NDNF: variants seen among roughly 807,000 people sequenced by gnomAD.
NDNF encodes protein NDNF.
Under a neutral mutation model 42.0 loss-of-function variants are expected in NDNF, and 16 were observed. That is an observed-to-expected ratio of 0.38 (90% CI 0.26 to 0.58). The LOEUF (loss-of-function observed/expected upper bound fraction) is 0.58, where lower values mean the gene tolerates loss of function less well. Ranked by LOEUF, NDNF falls within the 20% of genes least tolerant of loss-of-function variation. NDNF has a pLI of 0.67. For synonymous variants in NDNF, 248 were observed against 251.7 expected (o/e 0.99, Z 0.14); for missense variants, 616 against 666.2 (o/e 0.92, Z 0.83).
intron 2 of NDNF, among the ~76,000 whole-genome samples, chr4:121,045,128 G>A (rs1218610348): frequency 2.0e-5 from 3 of 152,190 alleles, no homozygotes; most frequent in Non-Finnish European, 2.9e-5. Flanking sequence ...CAAAGAGGGC[G>A]GATCACGAGG....
Position 121,037,472 on chromosome 4 carries a change from G to A in NDNF, c.499C>T (p.Pro167Ser). Residue 167 changes from proline to serine, a missense_variant, in exon 4 of 4, where the codon CCA (proline) becomes TCA (serine). By Grantham distance (74) the Pro-to-Ser change is moderately conservative (BLOSUM62 -1). Transcript: ENST00000379692. The stretch of plus-strand genomic sequence containing the variant: ...TCAGGGTATGGCTGATCAGATTCTG[G>A]AGTTGTGGTGGCATATACTTTGAAA... Reference protein sequence around the residue: ...THFKVYATTTPESDQPYPELP... With the variant: ...THFKVYATTTSESDQPYPELP... 1 of 1,614,142 alleles carries A rather than the reference G, an allele frequency of 6.2e-7. No homozygotes were observed. Among genetic ancestry groups the A allele is most frequent in the Non-Finnish European group, 8.5e-7 (1 of 1,180,026 alleles).
intron 1 of NDNF, among the ~76,000 whole-genome samples, chr4:121,054,031 T>C (rs1168203758): frequency 6.6e-6 from 1 of 152,198 alleles, no homozygotes; most frequent in African/African-American, 2.4e-5. Context: ...AAAAAAATAT[T>C]GAGTCACTGC....
At position 121,037,037 on chromosome 4, in the gene NDNF, A is replaced by G. The variant is rs149509624; in HGVS notation, c.934T>C (p.Phe312Leu). Reference sequence around the variant, plus strand: ...TTGATGTTGACCACAAATACATCAAAGTAGTACTGCGTGTCGGGTTTCAGA... The same window carrying G: ...TTGATGTTGACCACAAATACATCAAGGTAGTACTGCGTGTCGGGTTTCAGA... ...SDLKPDTQYY[F>L]DVFVVNINSN... The change falls in exon 4 of 4, where the codon TTT becomes CTT. Residue 312 changes from phenylalanine to leucine, a missense_variant. Physicochemically the swap from Phe to Leu is conservative, Grantham distance 22 (BLOSUM62 0). Transcript: ENST00000379692. 2 of 1,613,890 alleles carry G rather than the reference A, an allele frequency of 1.2e-6. No homozygotes were observed. The highest frequency in any genetic ancestry group is 2.7e-5 in the African/African-American group (2 of 74,916).
intron 2 of NDNF, among the ~76,000 whole-genome samples, chr4:121,041,073 C>G (rs7690446): frequency 0.82 from 124,918 of 152,216 alleles, 52,000 homozygotes; most frequent in East Asian, 0.97. Context: ...AATTAAATAA[C>G]TTAATGATTT....
intron 1 of NDNF, 80 bp from the exon 2 acceptor site, chr4:121,045,918 A>G (rs914992574): frequency 1.7e-5 from 23 of 1,347,838 alleles, no homozygotes; most frequent in Non-Finnish European, 2.2e-5. Context: ...AAGGGTTAAC[A>G]CTATTTTAGC....
chr4:121,046,834 G>A (rs137999156), intron 1 of NDNF, among the ~76,000 whole-genome samples: 31 of 152,292 alleles, frequency 2.0e-4, no homozygotes, highest in Admixed American at 8.5e-4. Flanking sequence ...TTCCCAACAG[G>A]AAGCCCCAGG....
At chr4:121,037,769 C>A in intron 3 of NDNF, 112 bp from the exon 4 acceptor site, 1 of 667,194 alleles carries the variant, frequency 1.5e-6, no homozygotes, top group South Asian at 2.5e-5. Flanking sequence ...AGTACATGTT[C>A]ATAAGTAAAA....
intron 2 of NDNF, among the ~76,000 whole-genome samples, chr4:121,044,540 A>G (rs1727056078): frequency 6.6e-6 from 1 of 151,198 alleles, no homozygotes; most frequent in Non-Finnish European, 1.5e-5. Flanking sequence ...AGGTCAAAAT[A>G]TTTAGAAACT....
chr4:121,050,017 TCAG>T, intron 1 of NDNF, among the ~76,000 whole-genome samples: 1 of 152,152 alleles, frequency 6.6e-6, no homozygotes, highest in Admixed American at 6.5e-5. Flanking sequence ...TTCAATTTGG[TCAG>T]GTTACAGGCA....
At position 121,059,518 on chromosome 4, in the gene NDNF, C is replaced by T. The variant is rs144543821; in HGVS notation, c.-2+12475G>A. On this transcript the variant is annotated intron_variant, in intron 1 of 3. Transcript: ENST00000379692. ...CTCTAATCTGATGAAGGGGACATCA[C>T]GGATATCCACTGGCATGGCTGCCAT... 7.0e-4 allele frequency among the ~76,000 whole-genome samples: 106 copies of T among 152,310 alleles called. 1 individual carries two copies. Among genetic ancestry groups the T allele is most frequent in the African/African-American group, 2.2e-3 (90 of 41,576 alleles).
chr4:121,065,262 T>C (rs988936363), intron 1 of NDNF, among the ~76,000 whole-genome samples: 1 of 151,988 alleles, frequency 6.6e-6, no homozygotes, highest in Non-Finnish European at 1.5e-5. Flanking sequence ...TCTTTACAGA[T>C]AAAAGTGACT....
chr4:121,038,508 A>AC (rs1443929816), intron 3 of NDNF, among the ~76,000 whole-genome samples: 1 of 152,208 alleles, frequency 6.6e-6, no homozygotes, highest in Non-Finnish European at 1.5e-5. Context: ...ATATTTTGTT[A>AC]CCGTAAGTAT....
At chr4:121,060,747 T>A (rs1430239729) in intron 1 of NDNF, among the ~76,000 whole-genome samples, 1 of 152,178 alleles carries the variant, frequency 6.6e-6, no homozygotes, top group African/African-American at 2.4e-5. Flanking sequence ...GTGGGCCTAA[T>A]CCCACATTTA....
intron 1 of NDNF, among the ~76,000 whole-genome samples, chr4:121,060,108 CCTTT>C (rs1240057800): frequency 2.0e-5 from 3 of 152,104 alleles, no homozygotes; most frequent in Non-Finnish European, 4.4e-5. Flanking sequence ...TTGCCCATAT[CCTTT>C]CTTTTTCTAA....
At chr4:121,066,723 T>G (rs887298556) in intron 1 of NDNF, among the ~76,000 whole-genome samples, 2 of 152,230 alleles carry the variant, frequency 1.3e-5, no homozygotes, top group Non-Finnish European at 2.9e-5. Context: ...ATGTTAAATT[T>G]CAGGCTCATA....
At chr4:121,042,737 T>C (rs1164357512) in intron 2 of NDNF, among the ~76,000 whole-genome samples, 1 of 152,046 alleles carries the variant, frequency 6.6e-6, no homozygotes, top group African/African-American at 2.4e-5. Flanking sequence ...AGTAAAAGAG[T>C]GTTCAAAACT....
intron 1 of NDNF, among the ~76,000 whole-genome samples, chr4:121,070,385 C>T (rs181170452): frequency 4.7e-4 from 72 of 152,310 alleles, no homozygotes; most frequent in African/African-American, 1.6e-3. Context: ...CTCTACTTCT[C>T]CGAACCCAGG....
chr4:121,037,696 A>G (rs1726904078), intron 3 of NDNF, 39 bp from the exon 4 acceptor site: 1 of 1,484,488 alleles, frequency 6.7e-7, no homozygotes, highest in Non-Finnish European at 9.0e-7. Context: ...CTGTCAGGGC[A>G]TACACTGTGG....
intron 1 of NDNF, among the ~76,000 whole-genome samples, chr4:121,055,448 C>T (rs977327997): frequency 6.6e-5 from 10 of 151,946 alleles, no homozygotes; most frequent in Non-Finnish European, 1.3e-4. Flanking sequence ...ATTATAGGAA[C>T]GTGCATATGA....
Sources: gnomAD v4.1 joint callset for allele counts (sites outside exome capture counted in the v4.1 genomes callset) on GRCh38, gnomAD v4.1.1 for gene constraint, MANE v1.5 for transcripts, NCBI Gene and HGNC (gene_info 2026-07-23, HGNC 2026-07-21) for gene names.